The following SOX5 variants were observed in gnomAD, a reference collection of about 807,000 sequenced individuals.
SOX5 encodes transcription factor SOX-5.
SOX5 carries 9 observed loss-of-function variants against 92.0 expected under a neutral mutation model. That is an observed-to-expected ratio of 0.10 (90% CI 0.06 to 0.17). The LOEUF (loss-of-function observed/expected upper bound fraction) is 0.17. Among genes scored for constraint, SOX5 ranks in the 10% least tolerant of loss-of-function variants. The pLI is 1.00. For synonymous variants in SOX5, 344 were observed against 336.3 expected (o/e 1.02, Z -0.25); for missense variants, 642 against 944.5 (o/e 0.68, Z 4.20).
At chr12:24,041,008 C>T (rs1956470105) in intron 4 of SOX5, among the ~76,000 whole-genome samples, 1 of 152,152 alleles carries the variant, frequency 6.6e-6, no homozygotes, top group African/African-American at 2.4e-5. Flanking sequence ...AAATAACAAG[C>T]ACTTAATAAG....
At chr12:23,588,554 T>A (rs1951068398) in intron 9 of SOX5, among the ~76,000 whole-genome samples, 1 of 152,030 alleles carries the variant, frequency 6.6e-6, no homozygotes, top group Admixed American at 6.6e-5. Context: ...ATAGCAACTC[T>A]AATGACATCA....
rs1939228400 is a variant in SOX5 at position 24,247,996 on chromosome 12, C to T, written c.-77+29220G>A. 3.3e-5 allele frequency among the ~76,000 whole-genome samples: 5 copies of T among 152,060 alleles called. No individual in the cohort carries two copies. The South Asian group carries it at 1.0e-3, about 32-fold the overall frequency. On this transcript the variant is annotated intron_variant, in intron 3 of 4. Coordinates refer to the SOX5 transcript ENST00000446891. ...GGCTACTTTTTAAAAACACCAGAGA[C>T]ATTTTCTTTTAAGCTACTTCTTATA...
At chr12:23,826,016 GTTTCA>G (rs1413916176) in intron 3 of SOX5, among the ~76,000 whole-genome samples, 1 of 147,322 alleles carries the variant, frequency 6.8e-6, no homozygotes, top group Admixed American at 6.9e-5. Context: ...GAGTTACACT[GTTTCA>G]TTTCTCTTTT....
At chr12:24,303,074 AT>A (rs1414294030) in intron 2 of SOX5, among the ~76,000 whole-genome samples, 1 of 152,222 alleles carries the variant, frequency 6.6e-6, no homozygotes, top group Non-Finnish European at 1.5e-5. Context: ...AGGCTTACAA[AT>A]GAGACCATTT....
rs546876407 is a variant in SOX5, at chr12:23,580,013, A to T, written c.1165-4175T>A. ...TTAAGAATTTAGTTATCTGCCTAGTAGCTCCAAACTTGTATATCATAAATA... is the reference window on the plus strand; with the variant it reads ...TTAAGAATTTAGTTATCTGCCTAGTTGCTCCAAACTTGTATATCATAAATA... On this transcript the variant is annotated intron_variant, in intron 9 of 14. Transcript: ENST00000451604. Among the ~76,000 whole-genome samples, 8 of 152,190 alleles carry T rather than the reference A, an allele frequency of 5.3e-5. No homozygotes were observed. In the East Asian group the frequency reaches 1.3e-3, roughly 26 times the overall value.
At chr12:23,991,967 C>A (rs1256817412) in intron 4 of SOX5, among the ~76,000 whole-genome samples, 3 of 152,060 alleles carry the variant, frequency 2.0e-5, no homozygotes, top group Non-Finnish European at 4.4e-5. Context: ...AATATGAAAT[C>A]TTATACTATG....
intron 4 of SOX5, among the ~76,000 whole-genome samples, chr12:24,019,964 T>C (rs946391987): frequency 1.3e-5 from 2 of 152,200 alleles, no homozygotes; most frequent in African/African-American, 4.8e-5. Context: ...TTCCACACTG[T>C]GTGCCAAAGC....
intron 4 of SOX5, among the ~76,000 whole-genome samples, chr12:24,194,868 T>C (rs1177973142): frequency 6.6e-6 from 1 of 152,200 alleles, no homozygotes; most frequent in African/African-American, 2.4e-5. Context: ...TACAACCTTA[T>C]GCTCAACCCA....
At chr12:24,454,058 T>C (rs1035820035) in intron 1 of SOX5, among the ~76,000 whole-genome samples, 1 of 152,188 alleles carries the variant, frequency 6.6e-6, no homozygotes, top group Non-Finnish European at 1.5e-5. Context: ...CTAAAAGCAA[T>C]GGTAGAGAGG....
At chr12:24,235,449 C>T (rs1279440647) in intron 3 of SOX5, among the ~76,000 whole-genome samples, 1 of 152,054 alleles carries the variant, frequency 6.6e-6, no homozygotes, top group East Asian at 1.9e-4. Flanking sequence ...AACTAAAGAA[C>T]CAACTAACAA....
chr12:23,922,758 T>C (rs1421141277), intron 1 of SOX5, among the ~76,000 whole-genome samples: 3 of 152,208 alleles, frequency 2.0e-5, no homozygotes, highest in Non-Finnish European at 4.4e-5. Context: ...TTCTGTAGTG[T>C]TGATATTGTG....
At chr12:23,977,982 A>C (rs1949104530) in intron 4 of SOX5, among the ~76,000 whole-genome samples, 1 of 152,218 alleles carries the variant, frequency 6.6e-6, no homozygotes, top group South Asian at 2.1e-4. Context: ...AACTACTTGA[A>C]ACAACCTGTT....
In SOX5 at chr12:24,350,344, C is replaced by T. The variant is rs142596051; in HGVS notation, c.-174+18219G>A. ...TGTTTTGTTTTGTTTTGCTTTGAGACAGGGTATTACTCTGTGGGCCAGGAT... is the reference window on the plus strand; with the variant it reads ...TGTTTTGTTTTGTTTTGCTTTGAGATAGGGTATTACTCTGTGGGCCAGGAT... On this transcript the variant is annotated intron_variant, in intron 2 of 4. Coordinates refer to the SOX5 transcript ENST00000446891. 1.8e-4 allele frequency among the ~76,000 whole-genome samples: 27 copies of T among 152,192 alleles called. No individual in the cohort carries two copies. In the East Asian group the frequency reaches 5.2e-3, roughly 29 times the overall value.
rs540014224 is a variant in SOX5 at position 23,723,211 on chromosome 12, T to C, written c.810+11473A>G. ...TTTTCTTGCTCTCTCTCTCTCTTTC[T>C]CCCTCTCTCTCTCTCTCAAATTGCC... On this transcript the variant is annotated intron_variant, in intron 6 of 14. Transcript: ENST00000451604. Among the ~76,000 whole-genome samples the C allele has an allele frequency of 2.6e-5, 4 of 152,092 alleles. No individual in the cohort carries two copies. The East Asian group carries it at 7.7e-4, about 29-fold the overall frequency.
intron 4 of SOX5, among the ~76,000 whole-genome samples, chr12:24,070,469 C>T (rs1941587562): frequency 1.3e-5 from 2 of 152,160 alleles, no homozygotes; most frequent in South Asian, 4.1e-4. Flanking sequence ...GTGTGCCAAA[C>T]TGAAACAATG....
At chr12:23,900,449 G>T (rs2097218775) in intron 1 of SOX5, among the ~76,000 whole-genome samples, 1 of 152,106 alleles carries the variant, frequency 6.6e-6, no homozygotes, top group Non-Finnish European at 1.5e-5. Flanking sequence ...CAAACTTAGT[G>T]GTAGGGTAGA....
rs535032354 is a variant in SOX5, at chr12:23,978,487, T to C, written c.-1-82463A>G. 1.6e-4 allele frequency among the ~76,000 whole-genome samples: 25 copies of C among 152,350 alleles called. No individual in the cohort carries two copies. The South Asian group carries it at 3.1e-3, about 19-fold the overall frequency. On this transcript the variant is annotated intron_variant, in intron 4 of 4. Transcript: ENST00000446891. ...TGTGATATCTAGCTTCCCTAAATAC[T>C]ATCACTGGTTTGTGCTATATATCGT...
chr12:24,036,829 A>G (rs1422415860), intron 4 of SOX5, among the ~76,000 whole-genome samples: 1 of 152,202 alleles, frequency 6.6e-6, no homozygotes, highest in Non-Finnish European at 1.5e-5. Flanking sequence ...AAAGTTATCT[A>G]ATGTTGGTAA....
chr12:23,656,952 C>A (rs894603325), intron 7 of SOX5, among the ~76,000 whole-genome samples: 1 of 151,784 alleles, frequency 6.6e-6, no homozygotes, highest in Non-Finnish European at 1.5e-5. Context: ...GAAAGTGCCA[C>A]CTTTAATATA....
Sources: allele counts gnomAD v4.1 joint callset (sites outside exome capture counted in the v4.1 genomes callset), GRCh38; gene constraint gnomAD v4.1.1; transcripts MANE v1.5; gene names NCBI Gene and HGNC (gene_info 2026-07-23, HGNC 2026-07-21).